Variants in FAR2 observed in about 807,000 individuals in gnomAD.
FAR2 encodes the protein fatty acyl-CoA reductase 2.
A neutral mutation model predicts 56.0 loss-of-function variants in FAR2; 19 were observed. That is an observed-to-expected ratio of 0.34 (90% CI 0.24 to 0.50). The LOEUF (loss-of-function observed/expected upper bound fraction) is 0.50, where lower values mean the gene tolerates loss of function less well. FAR2 is among the 20% of genes least tolerant of loss of function. FAR2 has a pLI of 0.98. For synonymous variants in FAR2, 219 were observed against 218.8 expected, an observed-to-expected ratio of 1.00 and a Z score of -0.01; for missense variants, 508 against 642.2, an observed-to-expected ratio of 0.79 and a Z score of 2.26.
At chr12:29,291,993 A>G (rs1273385902) in intron 2 of FAR2, among the ~76,000 whole-genome samples, 1 of 152,236 alleles carries the variant, frequency 6.6e-6, no homozygotes, top group Non-Finnish European at 1.5e-5. Flanking sequence ...TCATTCAGAT[A>G]TGCATTCTTG....
intron 10 of FAR2, among the ~76,000 whole-genome samples, chr12:29,331,074 A>G (rs1215943310): frequency 6.6e-6 from 1 of 152,198 alleles, no homozygotes; most frequent in African/African-American, 2.4e-5. Flanking sequence ...TTGTTGTTCT[A>G]GGAATATCAT....
intron 11 of FAR2, 56 bp downstream of exon 11, chr12:29,332,783 T>C (rs1178234173): frequency 4.0e-6 from 6 of 1,487,548 alleles, no homozygotes; most frequent in Admixed American, 1.8e-5. Flanking sequence ...ATCGACTTTA[T>C]ACCAGACATA....
chr12:29,299,817 A>G (rs2136765165), intron 4 of FAR2, among the ~76,000 whole-genome samples: 1 of 152,108 alleles, frequency 6.6e-6, no homozygotes, highest in East Asian at 1.9e-4. Context: ...TTGTCCCTAG[A>G]GCTTAGTTCC....
At chr12:29,255,290 C>A (rs1447421458) in intron 1 of FAR2, among the ~76,000 whole-genome samples, 2 of 152,210 alleles carry the variant, frequency 1.3e-5, no homozygotes, top group Non-Finnish European at 2.9e-5. Context: ...GCCTAGAGAG[C>A]TCTCTGGTGT....
intron 1 of FAR2, among the ~76,000 whole-genome samples, chr12:29,234,076 C>T (rs1019873554): frequency 2.6e-5 from 4 of 152,176 alleles, no homozygotes; most frequent in Non-Finnish European, 5.9e-5. Flanking sequence ...CTTTCTCACG[C>T]TCCTTGTAGG....
chr12:29,215,779 AATAT>A (rs1291017797), intron 1 of FAR2, among the ~76,000 whole-genome samples: 1 of 152,164 alleles, frequency 6.6e-6, no homozygotes, highest in East Asian at 1.9e-4. Flanking sequence ...TTAATATATC[AATAT>A]ATAAACAAAA....
At chr12:29,245,169 A>AT (rs1948107127) in intron 1 of FAR2, among the ~76,000 whole-genome samples, 1 of 152,026 alleles carries the variant, frequency 6.6e-6, no homozygotes, top group Admixed American at 6.6e-5. Flanking sequence ...TTAGTAAGAG[A>AT]CGGGGTTTCA....
At chr12:29,244,224 G>A (rs917195748) in intron 1 of FAR2, among the ~76,000 whole-genome samples, 3 of 152,088 alleles carry the variant, frequency 2.0e-5, no homozygotes, top group African/African-American at 7.2e-5. Flanking sequence ...GTCACTTCAT[G>A]CTCCAAAAAT....
intron 1 of FAR2, among the ~76,000 whole-genome samples, chr12:29,239,877 G>A (rs754077575): frequency 3.3e-4 from 51 of 152,292 alleles, no homozygotes; most frequent in Non-Finnish European, 5.6e-4. Context: ...AAGAAGGACA[G>A]ATAGCTTTCC....
intron 1 of FAR2, among the ~76,000 whole-genome samples, chr12:29,267,142 G>A (rs905604342): frequency 2.0e-5 from 3 of 152,154 alleles, no homozygotes; most frequent in African/African-American, 7.2e-5. Flanking sequence ...AAAATACTTG[G>A]CTGTTATGAT....
At chr12:29,182,902 G>C (rs1303127543) in intron 1 of FAR2, among the ~76,000 whole-genome samples, 1 of 151,608 alleles carries the variant, frequency 6.6e-6, no homozygotes, top group Admixed American at 6.6e-5. Context: ...GCCCCTTCAG[G>C]AGGAATTTTC....
intron 1 of FAR2, among the ~76,000 whole-genome samples, chr12:29,173,739 G>A (rs962751319): frequency 6.6e-6 from 1 of 152,058 alleles, no homozygotes; most frequent in Non-Finnish European, 1.5e-5. Context: ...CGCAGTTTTG[G>A]TTTGTTTGTT....
chr12:29,260,015 G>A (rs1479462924), intron 1 of FAR2, among the ~76,000 whole-genome samples: 1 of 151,942 alleles, frequency 6.6e-6, no homozygotes, highest in Non-Finnish European at 1.5e-5. Flanking sequence ...AAGTAGAAGG[G>A]GGACCTTCTA....
At chr12:29,191,349 A>C (rs1950101598) in intron 1 of FAR2, among the ~76,000 whole-genome samples, 4 of 152,242 alleles carry the variant, frequency 2.6e-5, no homozygotes, top group African/African-American at 7.2e-5. Context: ...TATGCTTAGG[A>C]GGATTTGTCA....
At chr12:29,328,981 CTT>C (rs1451900550) in intron 10 of FAR2, among the ~76,000 whole-genome samples, 4 of 152,168 alleles carry the variant, frequency 2.6e-5, no homozygotes, top group Admixed American at 2.6e-4. Context: ...ACATACCAAA[CTT>C]ACTGAGTGTG....
intron 1 of FAR2, among the ~76,000 whole-genome samples, chr12:29,245,903 A>G (rs987056332): frequency 6.6e-6 from 1 of 152,080 alleles, no homozygotes; most frequent in African/African-American, 2.4e-5. Context: ...ATCTCCAATA[A>G]TACTTCTTAT....
chr12:29,169,476 T>C (rs1473000467), intron 1 of FAR2, among the ~76,000 whole-genome samples: 2 of 152,224 alleles, frequency 1.3e-5, no homozygotes, highest in African/African-American at 4.8e-5. Flanking sequence ...AAGATGGCAG[T>C]CACGGGACCT....
At chr12:29,194,254 G>A (rs1350505645) in intron 1 of FAR2, among the ~76,000 whole-genome samples, 3 of 152,078 alleles carry the variant, frequency 2.0e-5, no homozygotes, top group Admixed American at 6.6e-5. Flanking sequence ...ATTTCAGAAC[G>A]AATCTTCAAC....
chr12:29,158,773 C>T (rs1263236426), intron 1 of FAR2, among the ~76,000 whole-genome samples: 1 of 152,208 alleles, frequency 6.6e-6, no homozygotes, highest in Non-Finnish European at 1.5e-5. Context: ...TATATTCACA[C>T]TGGAAATTGT....
Sources: allele counts gnomAD v4.1 joint callset (sites outside exome capture counted in the v4.1 genomes callset), GRCh38; gene constraint gnomAD v4.1.1; transcripts MANE v1.5; gene names NCBI Gene and HGNC (gene_info 2026-07-23, HGNC 2026-07-21).